RAB40C: variants seen among roughly 807,000 people sequenced by gnomAD.
RAB40C encodes RAB40C, member RAS oncogene family.
Under a neutral mutation model 28.1 loss-of-function variants are expected in RAB40C, and 8 were observed. The observed-to-expected ratio is 0.28, with a 90% CI of 0.17 to 0.51. The LOEUF (loss-of-function observed/expected upper bound fraction) is 0.51, where lower values mean the gene tolerates loss of function less well. Ranked by LOEUF, RAB40C falls within the 20% of genes least tolerant of loss-of-function variation. The pLI, the probability that RAB40C is intolerant of heterozygous loss-of-function variation, is 0.97. For missense variants in RAB40C, 288 were observed against 405.9 expected, an observed-to-expected ratio of 0.71 and a Z score of 2.50; for synonymous variants, 201 against 171.7, an observed-to-expected ratio of 1.17 and a Z score of -1.34.
At chr16:608,390 A>G (rs553578462) in intron 1 of RAB40C, among the ~76,000 whole-genome samples, 2 of 151,654 alleles carry the variant, frequency 1.3e-5, no homozygotes, top group African/African-American at 4.8e-5. Flanking sequence ...AAATCTTATC[A>G]CTCCTGAGCC....
Position 629,191 on chromosome 16 carries a change from C to A in RAB40C, c.*1569C>A. ...GCATTCACGGCATCAACACTACCCG[C>A]GCTGCTGTTAGACACTCCGCCATTC... On this transcript the variant is annotated 3_prime_UTR_variant, in exon 6 of 6. Coordinates refer to ENST00000248139, the MANE Select transcript of RAB40C (RefSeq NM_021168.5). The A allele has an allele frequency of 4.3e-6, 1 of 234,592 alleles. No homozygotes were observed. The highest frequency in any genetic ancestry group is 9.9e-5 in the East Asian group (1 of 10,070). The allele number at this position is 234,592 out of a possible 1,614,324, so 14.5% of individuals were successfully genotyped here.
intron 2 of RAB40C, 152 bp from the exon 3 acceptor site, chr16:618,048 T>C: frequency 1.4e-6 from 1 of 697,232 alleles, no homozygotes; most frequent in Non-Finnish European, 2.4e-6. Context: ...CTGTGACCTG[T>C]GCAGACAAAG....
chr16:625,519 G>C lies in RAB40C; in HGVS notation c.342+10G>C. On this transcript the variant is annotated intron_variant, in intron 4 of 5. Transcript: ENST00000248139. ...CAAGGAGATCGATGAGGTAGGCCTG[G>C]GTCCGGGGAGCCCTCCCGGGGAAGG... The C allele has an allele frequency of 6.2e-7, 1 of 1,612,832 alleles. No individual in the cohort carries two copies. Among genetic ancestry groups the C allele is most frequent in the Middle Eastern group, 1.6e-4 (1 of 6,062 alleles).
At chr16:611,248 G>C (rs1480998890) in intron 1 of RAB40C, among the ~76,000 whole-genome samples, 1 of 152,198 alleles carries the variant, frequency 6.6e-6, no homozygotes, top group East Asian at 1.9e-4. Flanking sequence ...CATGGCTCCT[G>C]GTGGCCCTGG....
chr16:606,680 G>A (rs1243692473), intron 1 of RAB40C, among the ~76,000 whole-genome samples: 1 of 152,242 alleles, frequency 6.6e-6, no homozygotes, highest in Non-Finnish European at 1.5e-5. Context: ...TGCAAGCCGA[G>A]CCTTTCCCGG....
intron 2 of RAB40C, 65 bp downstream of exon 2, chr16:617,333 C>T: frequency 6.3e-7 from 1 of 1,580,616 alleles, no homozygotes; most frequent in South Asian, 1.1e-5. Flanking sequence ...GAGAACAGAA[C>T]CCTTAGAGAA....
rs371383114 is a variant in RAB40C at position 611,644 on chromosome 16, G to A, written c.143-5564G>A. Among the ~76,000 whole-genome samples the A allele has an allele frequency of 2.8e-5, 4 of 145,202 alleles. No homozygotes were observed. The East Asian group carries it at 8.3e-4, about 30-fold the overall frequency. On this transcript the variant is annotated intron_variant, in intron 1 of 5. Transcript: ENST00000248139. The stretch of plus-strand genomic sequence containing the variant: ...AATCAAGAGCAGGGACAGCCGCCCT[G>A]GCCTGTAGAATCAAGAGCAGAGACA...
chr16:605,609 C>T (rs927448989), intron 1 of RAB40C, among the ~76,000 whole-genome samples: 1 of 152,208 alleles, frequency 6.6e-6, no homozygotes, highest in Admixed American at 6.5e-5. Flanking sequence ...GGGTGAGCTT[C>T]GGCCACGTGG....
intron 3 of RAB40C, among the ~76,000 whole-genome samples, chr16:620,708 C>T (rs1401714061): frequency 6.1e-5 from 5 of 81,684 alleles, no homozygotes; most frequent in Admixed American, 1.2e-4. Flanking sequence ...TGGGCTCCAC[C>T]GCGGGCATCC....
intron 1 of RAB40C, among the ~76,000 whole-genome samples, chr16:594,180 C>T (rs539516679): frequency 1.4e-4 from 21 of 152,330 alleles, no homozygotes; most frequent in Admixed American, 1.0e-3. Context: ...GTTTTCCTCC[C>T]GCCACGTTGG....
intron 1 of RAB40C, among the ~76,000 whole-genome samples, chr16:611,869 C>A (rs1356995824): frequency 5.6e-5 from 1 of 17,742 alleles, no homozygotes; most frequent in Non-Finnish European, 9.3e-5. Context: ...ATCAAGAGCA[C>A]GGGACAGCCG....
At chr16:623,536 C>T (rs1190947887) in intron 3 of RAB40C, among the ~76,000 whole-genome samples, 1 of 151,862 alleles carries the variant, frequency 6.6e-6, no homozygotes, top group Non-Finnish European at 1.5e-5. Context: ...CGCCTGTAGT[C>T]CCAGCTACTC....
chr16:607,459 C>T (rs564995461), intron 1 of RAB40C, among the ~76,000 whole-genome samples: 65 of 148,124 alleles, frequency 4.4e-4, no homozygotes, highest in Middle Eastern at 3.5e-3. Flanking sequence ...GCTGATATTG[C>T]GCCACCACAC....
intron 1 of RAB40C, among the ~76,000 whole-genome samples, chr16:594,956 A>G (rs2036081942): frequency 6.6e-6 from 1 of 151,324 alleles, no homozygotes; most frequent in African/African-American, 2.4e-5. Flanking sequence ...AGTAGCTGGG[A>G]TTACAGACGC....
chr16:591,371 A>G (rs1320278551), intron 1 of RAB40C, among the ~76,000 whole-genome samples: 2 of 151,844 alleles, frequency 1.3e-5, no homozygotes, highest in South Asian at 2.1e-4. Flanking sequence ...GAAAGGTGTC[A>G]TGGGCCCGGG....
chr16:600,269 G>C (rs887384909), intron 1 of RAB40C, among the ~76,000 whole-genome samples: 1 of 152,256 alleles, frequency 6.6e-6, no homozygotes, highest in Non-Finnish European at 1.5e-5. Context: ...TCTCTCTGAA[G>C]AGCCTGTGTC....
At chr16:598,010 G>T (rs1382626625) in intron 1 of RAB40C, among the ~76,000 whole-genome samples, 1 of 151,244 alleles carries the variant, frequency 6.6e-6, no homozygotes, top group Non-Finnish European at 1.5e-5. Context: ...ACTTTGGGAG[G>T]CCAAGGTGGG....
intron 3 of RAB40C, chr16:625,164 G>C (rs1349194835): frequency 7.2e-7 from 1 of 1,384,658 alleles, no homozygotes. Flanking sequence ...TCCACAGGCT[G>C]ATGGCTCCAG....
At chr16:600,540 C>A (rs892071297) in intron 1 of RAB40C, among the ~76,000 whole-genome samples, 1 of 152,136 alleles carries the variant, frequency 6.6e-6, no homozygotes, top group South Asian at 2.1e-4. Context: ...ATCACAAGGT[C>A]AAGAGATCAA....
Sources: gnomAD v4.1 joint callset for allele counts (sites outside exome capture counted in the v4.1 genomes callset) on GRCh38, gnomAD v4.1.1 for gene constraint, MANE v1.5 for transcripts, NCBI Gene and HGNC (gene_info 2026-07-23, HGNC 2026-07-21) for gene names.